ATP1B2: variants seen among roughly 807,000 people sequenced by gnomAD.
The protein encoded by ATP1B2 is ATPase Na+/K+ transporting subunit beta 2.
In ATP1B2, 12 loss-of-function variants were observed where a neutral mutation model predicts 37.3. That is an observed-to-expected ratio of 0.32 (90% CI 0.21 to 0.52). The LOEUF (loss-of-function observed/expected upper bound fraction) is 0.52. ATP1B2 is among the 20% of genes least tolerant of loss of function. ATP1B2 has a pLI of 0.96. For missense variants in ATP1B2, 324 were observed against 391.6 expected, an observed-to-expected ratio of 0.83 and a Z score of 1.46; for synonymous variants, 139 against 140.5, an observed-to-expected ratio of 0.99 and a Z score of 0.07.
In ATP1B2 at chr17:7,651,093, T is replaced by A. The variant is rs1369644246; in HGVS notation, c.-426T>A. ...TCCACAGCTTCTTTGCATCTTGGATTTCGGGGCGGCCCCCTCCCCCACCTC... is the reference window on the plus strand; with the variant it reads ...TCCACAGCTTCTTTGCATCTTGGATATCGGGGCGGCCCCCTCCCCCACCTC... On this transcript the variant is annotated 5_prime_UTR_variant, in exon 1 of 7. Coordinates refer to ENST00000250111, the MANE Select transcript of ATP1B2 (RefSeq NM_001678.5). 1 of 202,032 alleles carries A rather than the reference T, an allele frequency of 4.9e-6. No individual in the cohort carries two copies. Among genetic ancestry groups the A allele is most frequent in the Non-Finnish European group, 1.0e-5 (1 of 99,094 alleles). The allele number at this position is 202,032 out of a possible 1,614,324, so 12.5% of individuals were successfully genotyped here.
chr17:7,653,139 G>A (rs1428775061), intron 1 of ATP1B2, among the ~76,000 whole-genome samples: 1 of 152,166 alleles, frequency 6.6e-6, no homozygotes, highest in South Asian at 2.1e-4. Flanking sequence ...CCACAAGGTC[G>A]GGCTTCACTG....
At chr17:7,652,352 G>C (rs976334655) in intron 1 of ATP1B2, among the ~76,000 whole-genome samples, 1 of 152,056 alleles carries the variant, frequency 6.6e-6, no homozygotes, top group African/African-American at 2.4e-5. Context: ...GGGTTGGGGG[G>C]GTGGAGGGGG....
At chr17:7,653,801 T>A (rs752381508) in intron 2 of ATP1B2, 40 bp from the exon 3 acceptor site, 1 of 1,588,486 alleles carries the variant, frequency 6.3e-7, no homozygotes, top group South Asian at 1.1e-5. Context: ...CAGTCCCTCA[T>A]CTTATAGATA....
At chr17:7,650,872 G>A (rs1003652642), upstream of ATP1B2, among the ~76,000 whole-genome samples, 4 of 152,046 alleles carry the variant, frequency 2.6e-5, no homozygotes, top group Non-Finnish European at 5.9e-5. Flanking sequence ...GGAAGGGGGC[G>A]GGCACCCCCA....
intron 1 of ATP1B2, 114 bp from the exon 2 acceptor site, chr17:7,653,260 G>C (rs1311880650): frequency 6.9e-7 from 1 of 1,458,718 alleles, no homozygotes; most frequent in Middle Eastern, 2.0e-4. Context: ...ACATCCCTGT[G>C]GCTCTGTGAT....
chr17:7,656,030 T>G lies in ATP1B2; in HGVS notation c.*135T>G. On this transcript the variant is annotated 3_prime_UTR_variant, in exon 7 of 7. Coordinates refer to ENST00000250111, the MANE Select transcript of ATP1B2 (RefSeq NM_001678.5). ...TGACTTGTCTGAGCCTCACATCCTT[T>G]TCCTTGACTTCTCAACCCAGCCTGA... 2.5e-6 allele frequency: 3 copies of G among 1,213,490 alleles called. No individual in the cohort carries two copies. The highest frequency in any genetic ancestry group is 2.3e-6 in the Non-Finnish European group (2 of 882,212). 75.2% of individuals were successfully genotyped at this position (1,213,490 alleles called of 1,614,324 possible).
Position 7,654,949 on chromosome 17 carries a change from G to A in ATP1B2, c.609+265G>A, listed in dbSNP as rs890390327. 4.1e-6 allele frequency: 2 copies of A among 484,820 alleles called. No homozygotes were observed. Among genetic ancestry groups the A allele is most frequent in the Admixed American group, 6.9e-5 (2 of 28,902 alleles). The allele number at this position is 484,820 out of a possible 1,614,324, so 30.0% of individuals were successfully genotyped here. ...CACGCCCTCCTCCACCAACGCCCTG[G>A]CCTCTGGCTTCTCTCCCTAACGCTT... On this transcript the variant is annotated intron_variant, in intron 5 of 6. Coordinates refer to ENST00000250111, the MANE Select transcript of ATP1B2 (RefSeq NM_001678.5). This position sits in a 1 kb window ranked among gnomAD's most constrained non-coding sequence, Gnocchi z 4.9.
chr17:7,653,060 T>C (rs1184098267), intron 1 of ATP1B2, among the ~76,000 whole-genome samples: 1 of 152,132 alleles, frequency 6.6e-6, no homozygotes, highest in African/African-American at 2.4e-5. Context: ...AGGTAACAGA[T>C]GTGTGCCTTG....
Position 7,653,375 on chromosome 17 carries a change from C to T in ATP1B2, c.114C>T (p.Ala38=). 1 of 1,614,074 alleles carries T rather than the reference C, an allele frequency of 6.2e-7. No homozygotes were observed. Among genetic ancestry groups the T allele is most frequent in the South Asian group, 1.1e-5 (1 of 91,074 alleles). ...QFMGRTGTSW[A]FILLFYLVFY... Reference sequence around the variant, plus strand: ...CTGACCCTGTTTCCTCCTCCCTAGCCTTTATCCTCCTCTTCTACCTCGTTT... The same window carrying T: ...CTGACCCTGTTTCCTCCTCCCTAGCTTTTATCCTCCTCTTCTACCTCGTTT... Residue 38 remains alanine, a splice_region_variant and synonymous_variant, in exon 2 of 7, where the codon GCC becomes GCT. Transcript: ENST00000250111.
chr17:7,648,011 C>A (rs2072585495), upstream of ATP1B2, among the ~76,000 whole-genome samples: 1 of 151,974 alleles, frequency 6.6e-6, no homozygotes, highest in South Asian at 2.1e-4. Context: ...GTGGGTGGAT[C>A]CCTTGAGTCC....
upstream of ATP1B2, among the ~76,000 whole-genome samples, chr17:7,647,077 G>C (rs914483092): frequency 6.9e-6 from 1 of 145,856 alleles, no homozygotes; most frequent in Non-Finnish European, 1.5e-5. Context: ...TCCAGCCTAG[G>C]TGACAGAATA....
At chr17:7,651,844 C>T (rs1397103813) in intron 1 of ATP1B2, among the ~76,000 whole-genome samples, 7 of 152,072 alleles carry the variant, frequency 4.6e-5, no homozygotes, top group Non-Finnish European at 8.8e-5. Flanking sequence ...CGCCTTCCCG[C>T]CCCCCGCGGA....
upstream of ATP1B2, among the ~76,000 whole-genome samples, chr17:7,650,498 C>G (rs1273780000): frequency 1.3e-5 from 2 of 152,134 alleles, no homozygotes; most frequent in Non-Finnish European, 2.9e-5. Context: ...GGTCTCTTCG[C>G]TCTCTTTCTT....
Position 7,655,813 on chromosome 17 carries a change from A to G in ATP1B2, c.791A>G (p.Asn264Ser), listed in dbSNP as rs1464248878. The G allele has an allele frequency of 3.7e-6, 6 of 1,613,962 alleles. No individual in the cohort carries two copies. The highest frequency in any genetic ancestry group is 2.2e-5 in the East Asian group (1 of 44,890). Residue 264 changes from asparagine to serine, a missense_variant, in exon 7 of 7, where the codon AAC becomes AGC. By Grantham distance (46) the Asn-to-Ser change is conservative. Coordinates refer to ENST00000250111, the MANE Select transcript of ATP1B2 (RefSeq NM_001678.5). The surrounding 1 kb of genome is among the most constrained non-coding windows in gnomAD (Gnocchi z 4.4). ...NVEVNVECRI[N>S]AANIATDDER... ...GAGGTGAATGTAGAATGTCGCATCA[A>G]CGCCGCCAACATCGCCACAGACGAT...
chr17:7,649,160 C>T (rs1597332961), upstream of ATP1B2, among the ~76,000 whole-genome samples: 1 of 152,172 alleles, frequency 6.6e-6, no homozygotes, highest in Non-Finnish European at 1.5e-5. Context: ...TCAAGCAATT[C>T]TCTTGCCTCA....
Position 7,651,507 on chromosome 17 carries a change from C to T in ATP1B2, c.-12C>T, listed in dbSNP as rs778686577. 175 of 1,576,216 alleles carry T rather than the reference C, an allele frequency of 1.1e-4. 1 individual carries two copies. The highest frequency in any genetic ancestry group is 8.8e-4 in the Admixed American group (48 of 54,600). On this transcript the variant is annotated 5_prime_UTR_variant, in exon 1 of 7. Transcript: ENST00000250111. ...CCCCGCCCCGCGCCCGGACTCGCCC[C>T]GCGCCACCAAGATGGTCATCCAGAA...
chr17:7,653,940 T>C lies in ATP1B2; in HGVS notation c.341T>C (p.Leu114Ser), dbSNP rs1199955944. Reference protein sequence around the residue: ...DQHVQKLNKFLEPYNDSIQAQ... With the variant: ...DQHVQKLNKFSEPYNDSIQAQ... ...CATGTTCAGAAGCTCAACAAGTTCTTGGAGCGTGAGTGTGGGCCTGGTTAT... is the reference window on the plus strand; with the variant it reads ...CATGTTCAGAAGCTCAACAAGTTCTCGGAGCGTGAGTGTGGGCCTGGTTAT... The change falls in exon 3 of 7, where the codon TTG becomes TCG. Residue 114 changes from leucine (L) to serine (S), a missense_variant. Leu to Ser is a moderately radical substitution (Grantham distance 145). Coordinates refer to ENST00000250111, the MANE Select transcript of ATP1B2 (RefSeq NM_001678.5). 1.2e-6 allele frequency: 2 copies of C among 1,614,038 alleles called. No individual in the cohort carries two copies. The highest frequency in any genetic ancestry group is 1.3e-5 in the African/African-American group (1 of 74,918).
rs142659444 is a variant in ATP1B2, at chr17:7,654,572, G to A, written c.553-56G>A. 2.0e-4 allele frequency: 321 copies of A among 1,574,550 alleles called. 1 individual carries two copies. The highest frequency in any genetic ancestry group is 1.2e-3 in the Middle Eastern group (7 of 5,990). On this transcript the variant is annotated intron_variant, in intron 4 of 6. Transcript: ENST00000250111. The surrounding 1 kb of genome is among the most constrained non-coding windows in gnomAD (Gnocchi z 4.9). ...GTCCCCGGCTTAGCTTGGTCTGGAT[G>A]CCCATCTTCGACAACTTCTTCCTCT...
chr17:7,654,630 C>A lies in ATP1B2; in HGVS notation c.555C>A (p.Val185=). 2 of 1,614,130 alleles carry A rather than the reference C, an allele frequency of 1.2e-6. No individual in the cohort carries two copies. The highest frequency in any genetic ancestry group is 1.3e-5 in the African/African-American group (1 of 75,042). Residue 185 remains valine, a splice_region_variant and synonymous_variant, in exon 5 of 7, where the codon GTC becomes GTA. Coordinates refer to ENST00000250111, the MANE Select transcript of ATP1B2 (RefSeq NM_001678.5). The surrounding 1 kb of genome is among the most constrained non-coding windows in gnomAD (Gnocchi z 4.9). The part of the protein sequence containing the change: ...QPCVFIKMNR[V]INFYAGANQS... ...TTCACCTTCCACCCTCACTCCAGGT[C>A]ATCAACTTCTATGCAGGAGCAAACC...
Sources: allele counts gnomAD v4.1 joint callset (sites outside exome capture counted in the v4.1 genomes callset), GRCh38; gene constraint gnomAD v4.1.1; non-coding constraint Gnocchi (gnomAD v3.1); transcripts MANE v1.5; gene names NCBI Gene and HGNC (gene_info 2026-07-23, HGNC 2026-07-21).